VPS39: variants seen among roughly 807,000 people sequenced by gnomAD.
VPS39 encodes the protein vam6/Vps39-like protein.
A neutral mutation model predicts 121.0 loss-of-function variants in VPS39; 70 were observed. The observed-to-expected ratio is 0.58, with a 90% CI of 0.48 to 0.71. The LOEUF is 0.71. Among genes scored for constraint, VPS39 ranks in the 30% least tolerant of loss-of-function variants. The pLI is 0.00. For synonymous variants in VPS39, 378 were observed against 398.1 expected, an observed-to-expected ratio of 0.95 and a Z score of 0.60; for missense variants, 818 against 1,051.5, an observed-to-expected ratio of 0.78 and a Z score of 3.07.
chr15:42,188,972 A>T (rs1002349387), intron 5 of VPS39, 142 bp downstream of exon 5: 14 of 634,532 alleles, frequency 2.2e-5, no homozygotes, highest in Non-Finnish European at 3.5e-5. Flanking sequence ...TCTCAGGAAA[A>T]AAATAAATAA....
At chr15:42,205,262 T>C (rs1318014180) in intron 1 of VPS39, among the ~76,000 whole-genome samples, 1 of 152,102 alleles carries the variant, frequency 6.6e-6, no homozygotes, top group Non-Finnish European at 1.5e-5. Context: ...TAATTAAATA[T>C]ATAAAATAAC....
chr15:42,164,441 T>G lies in VPS39; in HGVS notation c.1943A>C (p.Glu648Ala). 1 of 1,614,056 alleles carries G rather than the reference T, an allele frequency of 6.2e-7. No homozygotes were observed. The highest frequency in any genetic ancestry group is 8.5e-7 in the Non-Finnish European group (1 of 1,179,944). ...GAACATGAGGAGCTTTTGCCGGTAT[T>G]CTCCCAGCTCACCCTCTTCCTCTCC... ...PAGEEEGELG[E>A]YRQKLLMFLE... is the part of the protein sequence containing the mutation. Residue 648 changes from glutamate to alanine, a missense_variant, in exon 19 of 25, where the codon GAA becomes GCA. Coordinates refer to ENST00000318006, the MANE Select transcript of VPS39 (RefSeq NM_015289.5).
chr15:42,158,856 T>A lies in VPS39; in HGVS notation c.*1898A>T, dbSNP rs987331227. The A allele has an allele frequency of 6.6e-6, 1 of 152,242 alleles. No individual in the cohort carries two copies. Among genetic ancestry groups the A allele is most frequent in the Non-Finnish European group, 1.5e-5 (1 of 68,060 alleles). 9.4% of individuals were successfully genotyped at this position (152,242 alleles called of 1,614,324 possible). A position where few individuals can be genotyped will look rare whatever the true frequency, so the allele number is the denominator to read the frequency against. On this transcript the variant is annotated 3_prime_UTR_variant, in exon 25 of 25. Coordinates refer to ENST00000318006, the MANE Select transcript of VPS39 (RefSeq NM_015289.5). Reference sequence around the variant, plus strand: ...AAGAATGGAGCTTGGGAGCATGGGATCATGTATGTATACCAGGAAAGAAAA... The same window carrying A: ...AAGAATGGAGCTTGGGAGCATGGGAACATGTATGTATACCAGGAAAGAAAA...
chr15:42,192,219 C>A, intron 2 of VPS39: 2 of 893,032 alleles, frequency 2.2e-6, no homozygotes, highest in South Asian at 1.5e-5. Flanking sequence ...GAATAATTAT[C>A]ATCATCATCA....
Position 42,208,099 on chromosome 15 carries a change from C to A in VPS39, c.55G>T (p.Asp19Tyr). 1 of 1,587,992 alleles carries A rather than the reference C, an allele frequency of 6.3e-7. No homozygotes were observed. ...PILEKLPLQI[D>Y]CLAAWEEWLL... ...GGCTCACCCCAGGCAGCCAGACAGT[C>A]GATTTGCAGAGGCAGCTTTTCTAGG... The change falls in exon 1 of 25, where the codon GAC (aspartate) becomes TAC (tyrosine). Residue 19 changes from aspartate to tyrosine, a missense_variant. Physicochemically the swap from Asp to Tyr is radical, Grantham distance 160. Coordinates refer to ENST00000318006, the MANE Select transcript of VPS39 (RefSeq NM_015289.5).
In VPS39 at chr15:42,175,055, A is replaced by G. The variant is rs535272520; in HGVS notation, c.961-1203T>C. Among the ~76,000 whole-genome samples, 4 of 152,306 alleles carry G rather than the reference A, an allele frequency of 2.6e-5. 1 individual carries two copies. In the East Asian group the frequency reaches 5.8e-4, roughly 22 times the overall value. ...GAAGAGGAGCATGTACTCCCCAGCA[A>G]AGGAGACAGCACATGTGCAAGGCTT... On this transcript the variant is annotated intron_variant, in intron 10 of 24. Coordinates refer to ENST00000318006, the MANE Select transcript of VPS39 (RefSeq NM_015289.5).
intron 4 of VPS39, 63 bp from the exon 5 acceptor site, chr15:42,189,271 G>T (rs1362378507): frequency 7.3e-7 from 1 of 1,371,162 alleles, no homozygotes; most frequent in Non-Finnish European, 1.0e-6. Context: ...AGCCACTATC[G>T]AGGCAAAAAA....
intron 5 of VPS39, among the ~76,000 whole-genome samples, chr15:42,188,283 A>G (rs1249830914): frequency 6.6e-6 from 1 of 152,224 alleles, no homozygotes; most frequent in African/African-American, 2.4e-5. Flanking sequence ...GAGTATTCCT[A>G]AGCATAAAAT....
intron 11 of VPS39, among the ~76,000 whole-genome samples, chr15:42,172,439 G>C (rs1043564650): frequency 4.6e-5 from 7 of 152,224 alleles, no homozygotes; most frequent in African/African-American, 1.7e-4. Context: ...TGAGAGATCT[G>C]AAGCAAGGAC....
chr15:42,188,543 G>A (rs972490902), intron 5 of VPS39, among the ~76,000 whole-genome samples: 4 of 152,150 alleles, frequency 2.6e-5, no homozygotes, highest in Non-Finnish European at 2.9e-5. Flanking sequence ...GGTTTGTCCA[G>A]GACGAGAGTT....
In VPS39 at chr15:42,178,349, G is replaced by A. The variant is rs745520796; in HGVS notation, c.840-11C>T. On this transcript the variant is annotated splice_polypyrimidine_tract_variant and intron_variant, in intron 9 of 24. Transcript: ENST00000318006. ...TAGATAATGTTTGATCTGGAAGCAA[G>A]AGTAAGAATATTAGCAAAAGATCAC... The A allele has an allele frequency of 5.6e-6, 9 of 1,614,130 alleles. No homozygotes were observed. The South Asian group carries it at 7.7e-5, about 14-fold the overall frequency.
chr15:42,199,005 C>T (rs770666832), intron 2 of VPS39, among the ~76,000 whole-genome samples: 1 of 152,168 alleles, frequency 6.6e-6, no homozygotes, highest in Non-Finnish European at 1.5e-5. Context: ...TAGTAAGGTG[C>T]TTTTTCCCCC....
rs1054801246 is a variant in VPS39 at position 42,191,338 on chromosome 15, AG to A, written c.204+157del. 17 of 1,059,002 alleles carry A rather than the reference AG, an allele frequency of 1.6e-5. No individual in the cohort carries two copies. In the Admixed American group the frequency reaches 3.4e-4, roughly 21 times the overall value. The allele number at this position is 1,059,002 out of a possible 1,614,324, so 65.6% of individuals were successfully genotyped here. ...TGATTATCATTTCTGCTTGTGAGAG[AG>A]GATCTCAGGCACATGATATATGAGC... On this transcript the variant is annotated intron_variant, in intron 3 of 24. Transcript: ENST00000318006.
chr15:42,199,848 T>C (rs891651968), intron 2 of VPS39, 48 bp downstream of exon 2: 14 of 1,542,278 alleles, frequency 9.1e-6, no homozygotes, highest in Non-Finnish European at 1.2e-5. Context: ...AGTTGTATAC[T>C]AGCTGACTAT....
intron 2 of VPS39, among the ~76,000 whole-genome samples, chr15:42,191,789 A>G (rs532284967): frequency 4.6e-5 from 7 of 152,238 alleles, no homozygotes; most frequent in Non-Finnish European, 1.0e-4. Flanking sequence ...CATCAGCAGA[A>G]AGGATCACAC....
chr15:42,191,229 A>C lies in VPS39; in HGVS notation c.205-62T>G, dbSNP rs759591127. The C allele has an allele frequency of 2.6e-4, 409 of 1,584,714 alleles. 1 individual carries two copies. Among genetic ancestry groups the C allele is most frequent in the Non-Finnish European group, 3.5e-4 (401 of 1,154,622 alleles). On this transcript the variant is annotated intron_variant, in intron 3 of 24. Coordinates refer to ENST00000318006, the MANE Select transcript of VPS39 (RefSeq NM_015289.5). ...TTCTGACAAGGTTTAGCAAATGTTCATTCAATAACAGTAATAAAAAGGGAC... is the reference window on the plus strand; with the variant it reads ...TTCTGACAAGGTTTAGCAAATGTTCCTTCAATAACAGTAATAAAAAGGGAC...
chr15:42,164,725 T>A, intron 18 of VPS39: 2 of 1,429,724 alleles, frequency 1.4e-6, no homozygotes, highest in Middle Eastern at 2.6e-4. Context: ...CTGTTTCTTA[T>A]CAGTATAGCT....
At chr15:42,162,962 C>G (rs1165118349) in intron 21 of VPS39, among the ~76,000 whole-genome samples, 1 of 152,164 alleles carries the variant, frequency 6.6e-6, no homozygotes, top group East Asian at 1.9e-4. Flanking sequence ...CCTCTACCCC[C>G]TGGATTCTGG....
At chr15:42,200,906 C>T (rs765069863) in intron 1 of VPS39, among the ~76,000 whole-genome samples, 27 of 152,168 alleles carry the variant, frequency 1.8e-4, no homozygotes, top group Non-Finnish European at 3.5e-4. Flanking sequence ...TGCTACAACA[C>T]AGATGAACCT....
Sources: gnomAD v4.1 joint callset for allele counts (sites outside exome capture counted in the v4.1 genomes callset) on GRCh38, gnomAD v4.1.1 for gene constraint, MANE v1.5 for transcripts, NCBI Gene and HGNC (gene_info 2026-07-23, HGNC 2026-07-21) for gene names.